Variants in SLC35G2 observed in about 807,000 individuals in gnomAD.
The protein encoded by SLC35G2 is solute carrier family 35 member G2.
In SLC35G2, 20 loss-of-function variants were observed where a neutral mutation model predicts 27.2. The ratio of observed to expected loss-of-function variants is 0.74; its 90% CI spans 0.52 to 1.07. The LOEUF is 1.07. Ranked by LOEUF, SLC35G2 falls within the 50% of genes least tolerant of loss-of-function variation. SLC35G2 has a pLI of 0.00. For missense variants in SLC35G2, 416 were observed against 493.3 expected, an observed-to-expected ratio of 0.84 and a Z score of 1.48; for synonymous variants, 148 against 165.3, an observed-to-expected ratio of 0.90 and a Z score of 0.80.
intron 1 of SLC35G2, among the ~76,000 whole-genome samples, chr3:136,844,813 A>AC (rs1395866284): frequency 1.1e-4 from 16 of 151,150 alleles, no homozygotes; most frequent in African/African-American, 3.4e-4. Flanking sequence ...AAAAAAAAAA[A>AC]AAAAAAAAAG....
At chr3:136,845,154 G>GGGTC (rs1378767948) in intron 1 of SLC35G2, among the ~76,000 whole-genome samples, 3 of 152,146 alleles carry the variant, frequency 2.0e-5, no homozygotes, top group African/African-American at 7.2e-5. Context: ...CTTACTGGAA[G>GGGTC]GGTCTGTAGT....
At chr3:136,830,858 A>G (rs545401560) in intron 1 of SLC35G2, among the ~76,000 whole-genome samples, 9 of 152,266 alleles carry the variant, frequency 5.9e-5, no homozygotes, top group Admixed American at 2.6e-4. Context: ...CAGTATGTCA[A>G]TTGCATTTTT....
rs545672945 is a variant in SLC35G2, at chr3:136,836,533, A to G, written c.-19+16905A>G. Among the ~76,000 whole-genome samples, 15 of 152,284 alleles carry G rather than the reference A, an allele frequency of 9.9e-5. No individual in the cohort carries two copies. In the East Asian group the frequency reaches 2.9e-3, roughly 29 times the overall value. On this transcript the variant is annotated intron_variant, in intron 1 of 1. Coordinates refer to ENST00000446465, the MANE Select transcript of SLC35G2 (RefSeq NM_025246.3). Reference sequence around the variant, plus strand: ...GCCCTTTATTAGGTCTTCAACACCAATGGAGTTGATTTGTGAAACAGCTTC... The same window carrying G: ...GCCCTTTATTAGGTCTTCAACACCAGTGGAGTTGATTTGTGAAACAGCTTC...
At chr3:136,833,933 G>C (rs1936798739) in intron 1 of SLC35G2, among the ~76,000 whole-genome samples, 1 of 150,892 alleles carries the variant, frequency 6.6e-6, no homozygotes, top group Non-Finnish European at 1.5e-5. Context: ...ATTTAATAAA[G>C]GTTAATCATA....
At chr3:136,830,792 A>G (rs1032255603) in intron 1 of SLC35G2, among the ~76,000 whole-genome samples, 1 of 152,106 alleles carries the variant, frequency 6.6e-6, no homozygotes, top group Non-Finnish European at 1.5e-5. Flanking sequence ...TAATCTCAGT[A>G]ATTTTTTTTC....
At chr3:136,835,276 G>T (rs1228654375) in intron 1 of SLC35G2, among the ~76,000 whole-genome samples, 2 of 148,714 alleles carry the variant, frequency 1.3e-5, no homozygotes, top group African/African-American at 2.5e-5. Flanking sequence ...TATCTTTAGT[G>T]ACCTTGACAT....
At chr3:136,828,055 G>GACCTCAGGTGATCTGCCC (rs1412466295) in intron 1 of SLC35G2, among the ~76,000 whole-genome samples, 2 of 152,146 alleles carry the variant, frequency 1.3e-5, no homozygotes, top group Non-Finnish European at 2.9e-5. Context: ...TCAAACTCCT[G>GACCTCAGGTGATCTGCCC]ACCTCAGGTG....
At position 136,855,606 on chromosome 3, in the gene SLC35G2, G is replaced by A; in HGVS notation, c.1146G>A (p.Met382Ile). The A allele has an allele frequency of 6.2e-7, 1 of 1,614,070 alleles. No homozygotes were observed. Among genetic ancestry groups the A allele is most frequent in the South Asian group, 1.1e-5 (1 of 91,074 alleles). ...IYDVFGGVII[M>I]ISVFVLAGYK... is the part of the protein sequence containing the mutation. Reference sequence around the variant, plus strand: ...ATGTTTTTGGAGGGGTAATCATTATGATTAGTGTTTTTGTCCTTGCTGGCT... The same window carrying A: ...ATGTTTTTGGAGGGGTAATCATTATAATTAGTGTTTTTGTCCTTGCTGGCT... Residue 382 changes from methionine (M) to isoleucine (I), a missense_variant, in exon 2 of 2, where the codon ATG becomes ATA. Coordinates refer to ENST00000446465, the MANE Select transcript of SLC35G2 (RefSeq NM_025246.3).
chr3:136,822,711 A>G (rs1936486901), intron 1 of SLC35G2, among the ~76,000 whole-genome samples: 2 of 152,178 alleles, frequency 1.3e-5, no homozygotes, highest in African/African-American at 4.8e-5. Flanking sequence ...GGCTTATTTC[A>G]CTTAACATGA....
At chr3:136,842,230 C>T (rs1641391656) in intron 1 of SLC35G2, 1 of 152,192 alleles carries the variant, frequency 6.6e-6, no homozygotes, top group African/African-American at 2.4e-5. Flanking sequence ...AATACCCTTA[C>T]CCCATTCACT....
chr3:136,848,954 C>T (rs920991375), intron 1 of SLC35G2, among the ~76,000 whole-genome samples: 1 of 152,052 alleles, frequency 6.6e-6, no homozygotes, highest in South Asian at 2.1e-4. Context: ...CTGAGGCAGG[C>T]GGATCACCTG....
intron 1 of SLC35G2, among the ~76,000 whole-genome samples, chr3:136,833,298 C>T (rs560601312): frequency 6.6e-6 from 1 of 152,138 alleles, no homozygotes; most frequent in South Asian, 2.1e-4. Context: ...TAGTAGCAGC[C>T]TCTGGAAATT....
chr3:136,824,188 A>G (rs991549088), intron 1 of SLC35G2, among the ~76,000 whole-genome samples: 1 of 152,036 alleles, frequency 6.6e-6, no homozygotes, highest in Non-Finnish European at 1.5e-5. Context: ...TGTTCAGGAT[A>G]ACTTTGGCTA....
chr3:136,852,010 G>A (rs1937657133), intron 1 of SLC35G2, among the ~76,000 whole-genome samples: 1 of 152,182 alleles, frequency 6.6e-6, no homozygotes, highest in African/African-American at 2.4e-5. Context: ...ATGCAAGTAA[G>A]ATGGCAGAAA....
At chr3:136,849,933 C>T (rs1332577065) in intron 1 of SLC35G2, among the ~76,000 whole-genome samples, 1 of 151,794 alleles carries the variant, frequency 6.6e-6, no homozygotes, top group African/African-American at 2.4e-5. Context: ...GGTGAAACCC[C>T]GTCTCTACCA....
At chr3:136,828,993 A>T (rs1449354237) in intron 1 of SLC35G2, among the ~76,000 whole-genome samples, 3 of 152,194 alleles carry the variant, frequency 2.0e-5, no homozygotes, top group Non-Finnish European at 4.4e-5. Context: ...ATAAACATGC[A>T]AAAAAGAAAA....
In SLC35G2 at chr3:136,855,736, T is replaced by A. The variant is rs1297042994; in HGVS notation, c.*37T>A. ...TTATTGTCTCATTAATGTTCAGTTATTATGTATACTGCCATTTTAATGTTT... is the reference window on the plus strand; with the variant it reads ...TTATTGTCTCATTAATGTTCAGTTAATATGTATACTGCCATTTTAATGTTT... On this transcript the variant is annotated 3_prime_UTR_variant, in exon 2 of 2. Coordinates refer to ENST00000446465, the MANE Select transcript of SLC35G2 (RefSeq NM_025246.3). 1.4e-6 allele frequency: 2 copies of A among 1,475,750 alleles called. No homozygotes were observed. Among genetic ancestry groups the A allele is most frequent in the Non-Finnish European group, 9.5e-7 (1 of 1,055,408 alleles). The allele number at this position is 1,475,750 out of a possible 1,614,324, so 91.4% of individuals were successfully genotyped here.
intron 1 of SLC35G2, among the ~76,000 whole-genome samples, chr3:136,845,064 G>A (rs1479915981): frequency 6.6e-6 from 1 of 152,032 alleles, no homozygotes; most frequent in African/African-American, 2.4e-5. Context: ...TTAATGACAT[G>A]GAAATGTTTA....
intron 1 of SLC35G2, chr3:136,842,812 G>A (rs1937156295): frequency 6.6e-6 from 1 of 152,232 alleles, no homozygotes; most frequent in Non-Finnish European, 1.5e-5. Context: ...TCACAAAGGA[G>A]ACTGTGACTT....
Sources: gnomAD v4.1 joint callset for allele counts (sites outside exome capture counted in the v4.1 genomes callset) on GRCh38, gnomAD v4.1.1 for gene constraint, MANE v1.5 for transcripts, NCBI Gene and HGNC (gene_info 2026-07-23, HGNC 2026-07-21) for gene names.